HIPK2: variants seen among roughly 807,000 people sequenced by gnomAD.
HIPK2 encodes homeodomain-interacting protein kinase 2.
In HIPK2, 27 loss-of-function variants were observed where a neutral mutation model predicts 113.7. That is an observed-to-expected ratio of 0.24 (90% confidence interval 0.17 to 0.33). The LOEUF (loss-of-function observed/expected upper bound fraction) is 0.33, where lower values mean the gene tolerates loss of function less well. Among genes scored for constraint, HIPK2 ranks in the 10% least tolerant of loss-of-function variants. The pLI is 1.00. For synonymous variants in HIPK2, 631 were observed against 642.2 expected, an observed-to-expected ratio of 0.98 and a Z score of 0.26; for missense variants, 1,257 against 1,588.0, an observed-to-expected ratio of 0.79 and a Z score of 3.54.
chr7:139,635,920 G>A (rs889449195), intron 2 of HIPK2, among the ~76,000 whole-genome samples: 8 of 152,088 alleles, frequency 5.3e-5, no homozygotes, highest in East Asian at 1.9e-4. Context: ...TAATCCCTTC[G>A]TCTCCCAGCA....
At chr7:139,730,055 A>C (rs765152348) in intron 1 of HIPK2, among the ~76,000 whole-genome samples, 1 of 152,232 alleles carries the variant, frequency 6.6e-6, no homozygotes, top group Non-Finnish European at 1.5e-5. Context: ...CCTCAGATGG[A>C]CTTTTCCTAT....
chr7:139,718,634 G>T lies in HIPK2; in HGVS notation c.20-1619C>A, dbSNP rs140121651. 3.9e-5 allele frequency among the ~76,000 whole-genome samples: 6 copies of T among 152,242 alleles called. No individual in the cohort carries two copies. The East Asian group carries it at 1.2e-3, about 29-fold the overall frequency. ...ATTTGTCCCATTTTCTCTTGAACCTGCTTCCACCACTGTTCTTTCTCTTGT... is the reference window on the plus strand; with the variant it reads ...ATTTGTCCCATTTTCTCTTGAACCTTCTTCCACCACTGTTCTTTCTCTTGT... On this transcript the variant is annotated intron_variant, in intron 1 of 14. Coordinates refer to ENST00000406875, the MANE Select transcript of HIPK2 (RefSeq NM_022740.5).
chr7:139,591,314 G>C (rs1799014521), intron 12 of HIPK2, among the ~76,000 whole-genome samples: 1 of 152,176 alleles, frequency 6.6e-6, no homozygotes, highest in African/African-American at 2.4e-5. Flanking sequence ...CCTCGTCCTT[G>C]TCCCATCAGA....
chr7:139,622,677 G>A (rs2116848224), intron 6 of HIPK2, among the ~76,000 whole-genome samples: 1 of 152,304 alleles, frequency 6.6e-6, no homozygotes, highest in African/African-American at 2.4e-5. Context: ...GGGCGCTACA[G>A]CTGCATGGGC....
intron 2 of HIPK2, among the ~76,000 whole-genome samples, chr7:139,639,489 C>T (rs1399347507): frequency 6.6e-6 from 1 of 152,188 alleles, no homozygotes; most frequent in African/African-American, 2.4e-5. Flanking sequence ...GCAGCTCTTC[C>T]AGGAGTTCAC....
At chr7:139,671,853 T>C (rs948694066) in intron 2 of HIPK2, among the ~76,000 whole-genome samples, 5 of 152,178 alleles carry the variant, frequency 3.3e-5, no homozygotes, top group Non-Finnish European at 5.9e-5. Context: ...CGGCTGAGAA[T>C]CAAGTTTTAA....
intron 2 of HIPK2, among the ~76,000 whole-genome samples, chr7:139,675,270 T>G (rs1216508459): frequency 2.1e-5 from 3 of 141,698 alleles, no homozygotes; most frequent in Non-Finnish European, 4.7e-5. Flanking sequence ...AATATTATGC[T>G]AACCACCGAG....
Position 139,638,575 on chromosome 7 carries a change from A to T in HIPK2, c.1104-6850T>A, listed in dbSNP as rs370532825. On this transcript the variant is annotated intron_variant, in intron 2 of 14. Transcript: ENST00000406875. ...GTGTCAGACAAAATCTGCACCTAAG[A>T]AAGAGGACTCATTCCTTTCCAACAT... Among the ~76,000 whole-genome samples the T allele has an allele frequency of 9.8e-5, 15 of 152,308 alleles. No homozygotes were observed. The South Asian group carries it at 3.1e-3, about 32-fold the overall frequency.
rs1360078652 is a variant in HIPK2, at chr7:139,572,879, C to A, written c.*48G>T. The A allele has an allele frequency of 1.4e-6, 2 of 1,434,524 alleles. No individual in the cohort carries two copies. The highest frequency in any genetic ancestry group is 1.8e-6 in the Non-Finnish European group (2 of 1,086,572). The allele number at this position is 1,434,524 out of a possible 1,614,324, so 88.9% of individuals were successfully genotyped here. A position where few individuals can be genotyped will look rare whatever the true frequency, so the allele number is the denominator to read the frequency against. ...CGCCTCCCTCCTTCTCTCCCTCCTC[C>A]CTCGGGCCATTCTCTCCCTCCCTCC... On this transcript the variant is annotated 3_prime_UTR_variant, in exon 15 of 15. Coordinates refer to ENST00000406875, the MANE Select transcript of HIPK2 (RefSeq NM_022740.5).
chr7:139,578,300 G>A (rs774959784), intron 13 of HIPK2, among the ~76,000 whole-genome samples: 5 of 152,142 alleles, frequency 3.3e-5, no homozygotes, highest in Non-Finnish European at 4.4e-5. Context: ...GAGCCACCGC[G>A]CCCAGCTGCT....
chr7:139,583,514 G>A, intron 13 of HIPK2: 1 of 314,988 alleles, frequency 3.2e-6, no homozygotes, highest in Non-Finnish European at 6.0e-6. Flanking sequence ...ATTCTTCCAG[G>A]CTCAGGCATA....
chr7:139,641,364 G>C (rs866827967), intron 2 of HIPK2, among the ~76,000 whole-genome samples: 2 of 125,408 alleles, frequency 1.6e-5, no homozygotes, highest in South Asian at 4.7e-4. Context: ...GCAAGACTCA[G>C]TCTCAAAAAA....
At chr7:139,657,270 G>A (rs773639063) in intron 2 of HIPK2, among the ~76,000 whole-genome samples, 4 of 152,204 alleles carry the variant, frequency 2.6e-5, no homozygotes, top group Admixed American at 6.5e-5. Flanking sequence ...CACCTTGCAC[G>A]CTGACCCTCC....
chr7:139,664,124 TCAAA>T (rs1434233612), intron 2 of HIPK2, among the ~76,000 whole-genome samples: 1 of 149,944 alleles, frequency 6.7e-6, no homozygotes, highest in Non-Finnish European at 1.5e-5. Flanking sequence ...TCTCCTGAAG[TCAAA>T]CAAACAAGCA....
chr7:139,766,440 G>A (rs1159102517), intron 1 of HIPK2, among the ~76,000 whole-genome samples: 1 of 152,202 alleles, frequency 6.6e-6, no homozygotes, highest in African/African-American at 2.4e-5. Flanking sequence ...AGGTCCAAGT[G>A]CTGTACATTC....
At chr7:139,592,036 T>C (rs968403158) in intron 12 of HIPK2, among the ~76,000 whole-genome samples, 2 of 152,274 alleles carry the variant, frequency 1.3e-5, no homozygotes, top group Non-Finnish European at 2.9e-5. Context: ...CCAAAGTAAT[T>C]TGAGCTGCAG....
intron 2 of HIPK2, among the ~76,000 whole-genome samples, chr7:139,663,539 T>C (rs1490158582): frequency 6.6e-6 from 1 of 152,180 alleles, no homozygotes; most frequent in African/African-American, 2.4e-5. Flanking sequence ...TTACTGGTAT[T>C]CTATGCCAAA....
chr7:139,573,277 C>T lies in HIPK2; in HGVS notation c.3247G>A (p.Val1083Met). ...FPHNSPSHGTVHPHLAAAAAA... is the reference protein window; with the variant it reads ...FPHNSPSHGTMHPHLAAAAAA... ...GCGGCTGCAGCCAGATGCGGGTGCA[C>T]AGTGCCGTGGCTGGGGCTGTTGTGC... is the stretch of plus-strand genomic sequence containing the variant. The change falls in exon 15 of 15, where the codon GTG becomes ATG. Residue 1083 changes from valine to methionine, a missense_variant. By Grantham distance (21) the Val-to-Met change is conservative. Around this residue, in one of 5 missense-constraint regions of HIPK2, gnomAD observed 862 missense variants for 1,004.3 expected, o/e 0.86. Transcript: ENST00000406875. 1 of 1,604,812 alleles carries T rather than the reference C, an allele frequency of 6.2e-7. No homozygotes were observed. Among genetic ancestry groups the T allele is most frequent in the Non-Finnish European group, 8.5e-7 (1 of 1,179,774 alleles).
In HIPK2 at chr7:139,575,170, C is replaced by A. The variant is rs769818362; in HGVS notation, c.3084G>T (p.Pro1028=). Residue 1028 remains proline, a synonymous_variant, in exon 14 of 15, where the codon CCG becomes CCT. Coordinates refer to ENST00000406875, the MANE Select transcript of HIPK2 (RefSeq NM_022740.5). ...SGAITYRQQR[P]GPHFQQQQPL... Reference sequence around the variant, plus strand: ...GCTGCTGCTGCTGGAAGTGGGGGCCCGGCCGCTGCTGCCGGTAGGTGATGG... The same window carrying A: ...GCTGCTGCTGCTGGAAGTGGGGGCCAGGCCGCTGCTGCCGGTAGGTGATGG... 2 of 1,593,622 alleles carry A rather than the reference C, an allele frequency of 1.3e-6. No homozygotes were observed. The highest frequency in any genetic ancestry group is 2.3e-5 in the East Asian group (1 of 44,062).
Sources: allele counts gnomAD v4.1 joint callset (sites outside exome capture counted in the v4.1 genomes callset), GRCh38; gene constraint gnomAD v4.1.1; regional missense constraint gnomAD v4.1.1; transcripts MANE v1.5; gene names NCBI Gene and HGNC (gene_info 2026-07-23, HGNC 2026-07-21).